The following TTC4 variants were observed in gnomAD, a reference collection of about 807,000 sequenced individuals.
TTC4 encodes tetratricopeptide repeat domain 4, also known as hsp70/Hsp90 co-chaperone CNS1 homolog.
TTC4 carries 36 observed loss-of-function variants against 51.9 expected under a neutral mutation model. The observed-to-expected ratio is 0.69, with a 90% confidence interval of 0.53 to 0.92. The LOEUF (loss-of-function observed/expected upper bound fraction) is 0.92, where lower values mean the gene tolerates loss of function less well. Among genes scored for constraint, TTC4 ranks in the 40% least tolerant of loss-of-function variants. The pLI is 0.00. For synonymous variants in TTC4, 144 were observed against 164.2 expected (o/e 0.88, Z 0.94); for missense variants, 399 against 454.6 (o/e 0.88, Z 1.11).
Position 54,716,247 on chromosome 1 carries a change from A to G in TTC4, c.111+228A>G, listed in dbSNP as rs1031495331. 2.3e-5 allele frequency: 13 copies of G among 563,350 alleles called. No homozygotes were observed. In the African/African-American group the frequency reaches 2.5e-4, roughly 11 times the overall value. The allele number at this position is 563,350 out of a possible 1,614,324, so 34.9% of individuals were successfully genotyped here. The stretch of plus-strand genomic sequence containing the variant: ...ACTCCACCACTTAACTGGCTCTGAT[A>G]TGAGTCAGTTACTTAACTTCTCAGA... On this transcript the variant is annotated intron_variant, in intron 1 of 9. Transcript: ENST00000371281.
intron 9 of TTC4, among the ~76,000 whole-genome samples, chr1:54,738,504 G>C (rs1182461691): frequency 6.6e-6 from 1 of 152,084 alleles, no homozygotes; most frequent in Non-Finnish European, 1.5e-5. Context: ...GAGACTGGCC[G>C]GGCCCATAAA....
intron 7 of TTC4, among the ~76,000 whole-genome samples, chr1:54,732,795 A>C (rs1025382286): frequency 2.6e-5 from 4 of 151,598 alleles, no homozygotes; most frequent in African/African-American, 9.7e-5. Context: ...GTTTAAAGAA[A>C]ATTATGTCAG....
intron 5 of TTC4, among the ~76,000 whole-genome samples, chr1:54,723,527 T>C (rs1485267430): frequency 1.3e-5 from 2 of 152,204 alleles, no homozygotes; most frequent in Non-Finnish European, 2.9e-5. Context: ...GGCTTTCTAT[T>C]AACAGGCATG....
In TTC4 at chr1:54,716,720, A is replaced by G. The variant is rs1256430121; in HGVS notation, c.229+3A>G. The G allele has an allele frequency of 2.5e-6, 4 of 1,602,692 alleles. No individual in the cohort carries two copies. In the Admixed American group the frequency reaches 6.8e-5, roughly 27 times the overall value. On this transcript the variant is annotated splice_donor_region_variant and intron_variant, in intron 2 of 9. Transcript: ENST00000371281. Reference sequence around the variant, plus strand: ...TGATGAGGAGCGTTCTCCAGAAGGTATCTTAACATGACTAATATTTGTTTT... The same window carrying G: ...TGATGAGGAGCGTTCTCCAGAAGGTGTCTTAACATGACTAATATTTGTTTT...
chr1:54,736,155 AAGAGAG>A (rs1168065764), intron 8 of TTC4, among the ~76,000 whole-genome samples: 1 of 129,488 alleles, frequency 7.7e-6, no homozygotes, highest in African/African-American at 3.2e-5. Context: ...TTGGGGGAGA[AAGAGAG>A]AGAAAGAAAG....
intron 9 of TTC4, 63 bp downstream of exon 9, chr1:54,737,727 C>T: frequency 1.3e-6 from 2 of 1,500,692 alleles, no homozygotes; most frequent in Non-Finnish European, 9.2e-7. Context: ...TCCATTTTCA[C>T]ACTGCTGATA....
intron 5 of TTC4, among the ~76,000 whole-genome samples, chr1:54,726,029 G>C (rs12097466): frequency 6.6e-6 from 1 of 152,192 alleles, no homozygotes. Context: ...AGAGAAGAGA[G>C]AGAATGGGCA....
In TTC4 at chr1:54,741,583, G is replaced by GTCCAGCT; in HGVS notation, c.*70_*71insTCCAGCT. 5 of 1,275,694 alleles carry GTCCAGCT rather than the reference G, an allele frequency of 3.9e-6. No homozygotes were observed. Among genetic ancestry groups the GTCCAGCT allele is most frequent in the Non-Finnish European group, 5.7e-6 (5 of 875,108 alleles). The allele number at this position is 1,275,694 out of a possible 1,614,324, so 79.0% of individuals were successfully genotyped here. ...GGAACCTAGCACACCTGAATCAGCT[G>GTCCAGCT]GACATACTGCTGGAGTCCAGTGCTT... On this transcript the variant is annotated 3_prime_UTR_variant, in exon 10 of 10. Coordinates refer to ENST00000371281, the MANE Select transcript of TTC4 (RefSeq NM_004623.5).
At chr1:54,736,122 C>T (rs1237068293) in intron 8 of TTC4, among the ~76,000 whole-genome samples, 1 of 149,058 alleles carries the variant, frequency 6.7e-6, no homozygotes, top group African/African-American at 2.5e-5. Flanking sequence ...CTTACTGCCT[C>T]AATGCCTTCT....
rs1646008151 is a variant in TTC4 at position 54,741,394 on chromosome 1, T to C, written c.1062-17T>C. 1 of 1,599,372 alleles carries C rather than the reference T, an allele frequency of 6.3e-7. No homozygotes were observed. The highest frequency in any genetic ancestry group is 8.6e-7 in the Non-Finnish European group (1 of 1,166,466). On this transcript the variant is annotated splice_polypyrimidine_tract_variant and intron_variant, in intron 9 of 9. Coordinates refer to ENST00000371281, the MANE Select transcript of TTC4 (RefSeq NM_004623.5). ...GTAATTAAATTAACACCCTCTCTTT[T>C]GTTGTGTTCACGGCAGGTACTTTGT...
chr1:54,740,903 G>GCATC (rs1384974927), intron 9 of TTC4, among the ~76,000 whole-genome samples: 1 of 152,136 alleles, frequency 6.6e-6, no homozygotes, highest in Non-Finnish European at 1.5e-5. Context: ...TTCAGACATG[G>GCATC]CATCTTCCAG....
At position 54,720,196 on chromosome 1, in the gene TTC4, C is replaced by T. The variant is rs373996369; in HGVS notation, c.392-967C>T. On this transcript the variant is annotated intron_variant, in intron 3 of 9. Coordinates refer to ENST00000371281, the MANE Select transcript of TTC4 (RefSeq NM_004623.5). ...GGATTGCAGGAGTGAGCCACCTCCC[C>T]AGAGGTTTCTTACATTTTTCAAGAA... 2.0e-4 allele frequency among the ~76,000 whole-genome samples: 30 copies of T among 152,218 alleles called. 1 individual carries two copies. The highest frequency in any genetic ancestry group is 6.7e-4 in the African/African-American group (28 of 41,536).
intron 3 of TTC4, among the ~76,000 whole-genome samples, chr1:54,720,303 T>G (rs1645728046): frequency 6.6e-6 from 1 of 152,120 alleles, no homozygotes; most frequent in Non-Finnish European, 1.5e-5. Context: ...CTTTACAAAA[T>G]ATTTTGCTGA....
At chr1:54,723,773 G>C (rs759118118) in intron 5 of TTC4, among the ~76,000 whole-genome samples, 1 of 152,204 alleles carries the variant, frequency 6.6e-6, no homozygotes, top group Non-Finnish European at 1.5e-5. Context: ...ACACACAGTA[G>C]TGCTATTTAA....
At chr1:54,726,836 G>A (rs531960275) in intron 5 of TTC4, among the ~76,000 whole-genome samples, 1 of 151,822 alleles carries the variant, frequency 6.6e-6, no homozygotes, top group Non-Finnish European at 1.5e-5. Flanking sequence ...GCAGTGGTAT[G>A]ATCATGGCTC....
chr1:54,721,986 C>T (rs1055768113), intron 4 of TTC4, among the ~76,000 whole-genome samples: 6 of 152,172 alleles, frequency 3.9e-5, no homozygotes, highest in African/African-American at 1.4e-4. Flanking sequence ...TGGCAAGACA[C>T]CCACTTTGAA....
Position 54,741,892 on chromosome 1 carries a change from CTCA to C in TTC4, c.*380_*382del. The C allele has an allele frequency of 1.9e-5, 4 of 212,364 alleles. No homozygotes were observed. The highest frequency in any genetic ancestry group is 1.0e-4 in the South Asian group (1 of 9,632). 13.2% of individuals were successfully genotyped at this position (212,364 alleles called of 1,614,324 possible). A position where few individuals can be genotyped will look rare whatever the true frequency, so the allele number is the denominator to read the frequency against. ...GTTTGACACCTTAGAGAAGCTACCC[CTCA>C]AACTGCACATCTACACACAAACAAA... On this transcript the variant is annotated 3_prime_UTR_variant, in exon 10 of 10. Transcript: ENST00000371281.
At chr1:54,736,178 GAGA>G (rs1645931566) in intron 8 of TTC4, among the ~76,000 whole-genome samples, 1 of 18,362 alleles carries the variant, frequency 5.4e-5, no homozygotes, top group African/African-American at 3.2e-4. Flanking sequence ...AAAGAAAGGA[GAGA>G]GAGAGAGAGA....
chr1:54,722,632 C>T (rs1449525171), intron 4 of TTC4, 43 bp from the exon 5 acceptor site: 1 of 1,604,674 alleles, frequency 6.2e-7, no homozygotes, highest in Non-Finnish European at 8.5e-7. Flanking sequence ...AGGTTCTTTC[C>T]ATGCATGTTT....
Sources: allele counts gnomAD v4.1 joint callset (sites outside exome capture counted in the v4.1 genomes callset), GRCh38; gene constraint gnomAD v4.1.1; transcripts MANE v1.5; gene names NCBI Gene and HGNC (gene_info 2026-07-23, HGNC 2026-07-21).